The following CACNA1B variants were observed in gnomAD, a reference collection of about 807,000 sequenced individuals.
The protein encoded by CACNA1B is voltage-dependent N-type calcium channel subunit alpha-1B.
In CACNA1B, 70 loss-of-function variants were observed where a neutral mutation model predicts 247.2. The observed-to-expected ratio is 0.28, with a 90% CI of 0.23 to 0.35. The LOEUF is 0.35. Ranked by LOEUF, CACNA1B falls within the 10% of genes least tolerant of loss-of-function variation. CACNA1B has a pLI of 1.00. For missense variants in CACNA1B, 2,367 were observed against 3,197.4 expected, an observed-to-expected ratio of 0.74 and a Z score of 6.26; for synonymous variants, 1,231 against 1,294.4, an observed-to-expected ratio of 0.95 and a Z score of 1.05.
intron 3 of CACNA1B, among the ~76,000 whole-genome samples, chr9:137,901,174 CTG>C (rs1267949285): frequency 6.8e-6 from 1 of 147,768 alleles, no homozygotes; most frequent in Non-Finnish European, 1.5e-5. Context: ...CTGTGTGTCT[CTG>C]TGTCCCTGTG....
At chr9:138,078,472 TC>T (rs1172910209) in intron 36 of CACNA1B, among the ~76,000 whole-genome samples, 1 of 152,204 alleles carries the variant, frequency 6.6e-6, no homozygotes, top group Non-Finnish European at 1.5e-5. Context: ...TTCCTTGACA[TC>T]CGTGGAAAAG....
rs1369397836 is a variant in CACNA1B, at chr9:138,115,434, T to G, written c.5650-118T>G. On this transcript the variant is annotated intron_variant, in intron 41 of 46. Transcript: ENST00000371372. ...GCCCCTTGCTAAGGGGAAAGAGCCC[T>G]TAGGCTGGGCTTGAACATGACCTGG... The G allele has an allele frequency of 1.2e-5, 13 of 1,086,780 alleles. No homozygotes were observed. In the East Asian group the frequency reaches 3.1e-4, roughly 26 times the overall value. The allele number at this position is 1,086,780 out of a possible 1,614,324, so 67.3% of individuals were successfully genotyped here. A position where few individuals can be genotyped will look rare whatever the true frequency, so the allele number is the denominator to read the frequency against.
chr9:137,966,408 T>G (rs1345281894), intron 10 of CACNA1B, among the ~76,000 whole-genome samples: 1 of 151,678 alleles, frequency 6.6e-6, no homozygotes, highest in African/African-American at 2.4e-5. Flanking sequence ...GCATTTTGTT[T>G]AGCAGAGACT....
rs576748127 is a variant in CACNA1B at position 137,910,767 on chromosome 9, G to A, written c.531-2413G>A. 3.3e-5 allele frequency among the ~76,000 whole-genome samples: 5 copies of A among 152,264 alleles called. No homozygotes were observed. In the East Asian group the frequency reaches 5.8e-4, roughly 18 times the overall value. On this transcript the variant is annotated intron_variant, in intron 3 of 46. Transcript: ENST00000371372. ...AGGCGGAGCTCAGGCAGTAATGCTC[G>A]TTCGCCTGCCGCCACCTCCTGCAGA...
intron 39 of CACNA1B, among the ~76,000 whole-genome samples, chr9:138,107,247 TTTATTTATTTATTTATTTA>T (rs1301050411): frequency 6.9e-5 from 7 of 100,812 alleles, no homozygotes; most frequent in East Asian, 3.1e-4. Context: ...TATTTATTTA[TTTATTTATTTATTTATTTA>T]TATAGGGTCT....
At chr9:137,929,997 A>G (rs759573919) in intron 6 of CACNA1B, among the ~76,000 whole-genome samples, 30 of 151,820 alleles carry the variant, frequency 2.0e-4, no homozygotes, top group Non-Finnish European at 3.4e-4. Flanking sequence ...GGGTCTTGCT[A>G]TGTTACCCAG....
chr9:137,896,891 G>A (rs1335286836), intron 3 of CACNA1B, among the ~76,000 whole-genome samples: 3 of 152,168 alleles, frequency 2.0e-5, no homozygotes, highest in Non-Finnish European at 2.9e-5. Context: ...AGTCCAACTC[G>A]TTGAATTTAT....
At chr9:138,036,473 G>A (rs1438811149) in intron 20 of CACNA1B, among the ~76,000 whole-genome samples, 4 of 152,158 alleles carry the variant, frequency 2.6e-5, no homozygotes, top group Non-Finnish European at 5.9e-5. Flanking sequence ...TTTGATGGTG[G>A]TAAATTCTCT....
Position 137,976,026 on chromosome 9 carries a change from G to A in CACNA1B, c.1656+7G>A. 6.5e-7 allele frequency: 1 copy of A among 1,542,634 alleles called. No individual in the cohort carries two copies. The highest frequency in any genetic ancestry group is 1.1e-5 in the South Asian group (1 of 89,288). On this transcript the variant is annotated splice_region_variant and intron_variant, in intron 12 of 46. Transcript: ENST00000371372. ...CAACTGCTTCGACTTTGGGGTGAGT[G>A]AGAGGCCTGATCAGGGGCCCAGGCT...
At position 137,917,288 on chromosome 9, in the gene CACNA1B, C is replaced by A; in HGVS notation, c.823C>A (p.Arg275=). The A allele has an allele frequency of 6.2e-7, 1 of 1,613,884 alleles. No homozygotes were observed. Among genetic ancestry groups the A allele is most frequent in the South Asian group, 1.1e-5 (1 of 91,068 alleles). ...CCCCTGTGGCAAGGAGGCCCCAGCC[C>A]GGCTGTGCGAGGGCGACACTGAGTG... ...DFPCGKEAPA[R]LCEGDTECRE... is the part of the protein sequence containing the mutation. Residue 275 remains arginine, a synonymous_variant, in exon 6 of 47, where the codon CGG becomes AGG. Coordinates refer to ENST00000371372, the MANE Select transcript of CACNA1B (RefSeq NM_000718.4). This position sits in a 1 kb window ranked among gnomAD's most constrained non-coding sequence, Gnocchi z 5.5.
At chr9:138,104,962 G>T (rs1288670084) in intron 38 of CACNA1B, among the ~76,000 whole-genome samples, 1 of 152,256 alleles carries the variant, frequency 6.6e-6, no homozygotes, top group African/African-American at 2.4e-5. Context: ...CTGGCAACAG[G>T]CTGTCCACCT....
rs1956920345 is a variant in CACNA1B, at chr9:137,881,533, C to T, written c.391-1211C>T. Among the ~76,000 whole-genome samples the T allele has an allele frequency of 6.6e-6, 1 of 152,154 alleles. No homozygotes were observed. Among genetic ancestry groups the T allele is most frequent in the African/African-American group, 2.4e-5 (1 of 41,438 alleles). ...CTGAAGACGAACCCTCAGGGGAGGC[C>T]CTTGAAGCTGGTCTCCTCTCCCCAC... is the stretch of plus-strand genomic sequence containing the variant. On this transcript the variant is annotated intron_variant, in intron 2 of 46. Coordinates refer to ENST00000371372, the MANE Select transcript of CACNA1B (RefSeq NM_000718.4). This position sits in a 1 kb window ranked among gnomAD's most constrained non-coding sequence, Gnocchi z 4.3.
At chr9:137,926,881 T>C (rs780192908) in intron 6 of CACNA1B, among the ~76,000 whole-genome samples, 5 of 152,222 alleles carry the variant, frequency 3.3e-5, no homozygotes, top group Non-Finnish European at 7.3e-5. Flanking sequence ...CATTTTTGAA[T>C]CTGTTGTTTT....
At chr9:138,066,441 T>TA (rs1466844373) in intron 31 of CACNA1B, among the ~76,000 whole-genome samples, 2 of 150,932 alleles carry the variant, frequency 1.3e-5, no homozygotes, top group East Asian at 2.0e-4. Flanking sequence ...AGCAAAACGC[T>TA]AAAAAAATAA....
intron 20 of CACNA1B, among the ~76,000 whole-genome samples, chr9:138,031,829 C>G (rs1958991426): frequency 6.6e-6 from 1 of 152,084 alleles, no homozygotes; most frequent in Non-Finnish European, 1.5e-5. Context: ...GTCCTGCCTT[C>G]TTTTGATTAA....
intron 44 of CACNA1B, among the ~76,000 whole-genome samples, chr9:138,119,134 C>T (rs1018068303): frequency 1.3e-5 from 2 of 152,098 alleles, no homozygotes; most frequent in African/African-American, 4.8e-5. Flanking sequence ...AACCCCCACT[C>T]TCATCCAGAA....
chr9:137,948,261 G>A (rs943848115), intron 6 of CACNA1B, among the ~76,000 whole-genome samples: 22 of 152,186 alleles, frequency 1.4e-4, no homozygotes, highest in African/African-American at 5.1e-4. Context: ...GATTACAGGT[G>A]TGAGCCACCA....
rs113124922 is a variant in CACNA1B, at chr9:138,117,017, A to G, written c.5778-929A>G. On this transcript the variant is annotated intron_variant, in intron 42 of 46. Coordinates refer to ENST00000371372, the MANE Select transcript of CACNA1B (RefSeq NM_000718.4). Reference sequence around the variant, plus strand: ...CAGGGTGTGGTCCATTTAGACTATCAGGCTCCAGTCTGAGCTCAGAGTGAT... The same window carrying G: ...CAGGGTGTGGTCCATTTAGACTATCGGGCTCCAGTCTGAGCTCAGAGTGAT... Among the ~76,000 whole-genome samples, 1,505 of 152,328 alleles carry G rather than the reference A, an allele frequency of 9.9e-3. 7 individuals are homozygous for G. Among genetic ancestry groups the G allele is most frequent in the Non-Finnish European group, 0.014 (943 of 68,028 alleles).
At chr9:137,897,743 G>C (rs867689613) in intron 3 of CACNA1B, among the ~76,000 whole-genome samples, 1 of 150,562 alleles carries the variant, frequency 6.6e-6, no homozygotes, top group Non-Finnish European at 1.5e-5. Flanking sequence ...TTTTTGCAGC[G>C]ATCTCAGCTC....
Sources: gnomAD v4.1 joint callset for allele counts (sites outside exome capture counted in the v4.1 genomes callset) on GRCh38, gnomAD v4.1.1 for gene constraint, Gnocchi (gnomAD v3.1) non-coding constraint, MANE v1.5 for transcripts, NCBI Gene and HGNC (gene_info 2026-07-23, HGNC 2026-07-21) for gene names.